FLRT1: variants seen among roughly 807,000 people sequenced by gnomAD.
FLRT1 encodes fibronectin leucine rich transmembrane protein 1, also known as leucine-rich repeat transmembrane protein FLRT1.
Under a neutral mutation model 30.9 loss-of-function variants are expected in FLRT1, and 14 were observed. The ratio of observed to expected loss-of-function variants is 0.45; its 90% CI spans 0.30 to 0.71. FLRT1 has a LOEUF of 0.71. Among genes scored for constraint, FLRT1 ranks in the 30% least tolerant of loss-of-function variants. The pLI is 0.08. For missense variants in FLRT1, 737 were observed against 949.2 expected (o/e 0.78, Z 2.94); for synonymous variants, 368 against 430.4 (o/e 0.85, Z 1.80).
rs547610992 is a variant in FLRT1 at position 64,082,712 on chromosome 11, G to T, written c.-1037-20482G>T. Among the ~76,000 whole-genome samples the T allele has an allele frequency of 1.3e-5, 2 of 152,280 alleles. No individual in the cohort carries two copies. Among genetic ancestry groups the T allele is most frequent in the South Asian group, 4.1e-4 (2 of 4,830 alleles). ...CTGCAGGCCCCTGGGTCTCACACAA[G>T]GAATGTGGAGCATCCTCCTGAGAGG... On this transcript the variant is annotated intron_variant, in intron 1 of 2. Coordinates refer to ENST00000682287, the MANE Select transcript of FLRT1 (RefSeq NM_013280.5). This position sits in a 1 kb window ranked among gnomAD's most constrained non-coding sequence, Gnocchi z 4.5.
At chr11:64,097,186 G>A (rs1354533974) in intron 1 of FLRT1, among the ~76,000 whole-genome samples, 1 of 152,236 alleles carries the variant, frequency 6.6e-6, no homozygotes, top group Non-Finnish European at 1.5e-5. Context: ...CCTGAGCCTG[G>A]CAGAACTGGG....
chr11:64,046,823 G>A lies in FLRT1; in HGVS notation c.-1038+10664G>A, dbSNP rs148318566. ...CTGGCCCGTTCTTTAAGCTGTGGAG[G>A]AATTCATGGTGTGATGTGAAGTCTT... On this transcript the variant is annotated intron_variant, in intron 1 of 2. Coordinates refer to ENST00000682287, the MANE Select transcript of FLRT1 (RefSeq NM_013280.5). Among the ~76,000 whole-genome samples the A allele has an allele frequency of 3.8e-3, 582 of 152,226 alleles. 2 individuals are homozygous for A. Among genetic ancestry groups the A allele is most frequent in the African/African-American group, 0.012 (493 of 41,546 alleles).
intron 1 of FLRT1, among the ~76,000 whole-genome samples, chr11:64,094,933 T>C (rs907222119): frequency 3.3e-5 from 5 of 152,112 alleles, no homozygotes; most frequent in African/African-American, 1.2e-4. Context: ...TAGCCACAGG[T>C]TTCCCAGCCC....
At chr11:64,048,158 CCT>C (rs1336886490) in intron 1 of FLRT1, among the ~76,000 whole-genome samples, 1 of 152,226 alleles carries the variant, frequency 6.6e-6, no homozygotes, top group Admixed American at 6.5e-5. Flanking sequence ...ACGACAGCTG[CCT>C]CTCTGGCCCA....
At chr11:64,047,239 A>G (rs898615092) in intron 1 of FLRT1, among the ~76,000 whole-genome samples, 2 of 152,208 alleles carry the variant, frequency 1.3e-5, no homozygotes, top group Admixed American at 1.3e-4. Flanking sequence ...AACCAGTCAG[A>G]TTCCTCAACT....
chr11:64,113,696 T>C (rs1944906845), intron 2 of FLRT1, among the ~76,000 whole-genome samples: 1 of 148,238 alleles, frequency 6.7e-6, no homozygotes, highest in African/African-American at 2.5e-5. Flanking sequence ...GTTAGGTGGA[T>C]GGATGGACGG....
intron 2 of FLRT1, among the ~76,000 whole-genome samples, chr11:64,113,189 G>A (rs1238562571): frequency 1.3e-5 from 2 of 152,246 alleles, no homozygotes; most frequent in Non-Finnish European, 2.9e-5. Context: ...GGGATTAAGG[G>A]CACTGACCTC....
intron 2 of FLRT1, among the ~76,000 whole-genome samples, chr11:64,110,971 G>A (rs1944852949): frequency 1.3e-5 from 2 of 152,208 alleles, no homozygotes; most frequent in Non-Finnish European, 2.9e-5. Context: ...GGGGCGGCAG[G>A]GGAGCCTTTG....
chr11:64,114,298 GGATT>G (rs1407058968), intron 2 of FLRT1, among the ~76,000 whole-genome samples: 4 of 150,774 alleles, frequency 2.7e-5, no homozygotes, highest in Non-Finnish European at 4.4e-5. Context: ...GTGGATGCAT[GGATT>G]GATACATGGA....
At position 64,090,915 on chromosome 11, in the gene FLRT1, A is replaced by G. The variant is rs2253396; in HGVS notation, c.-1037-12279A>G. Among the ~76,000 whole-genome samples the G allele has an allele frequency of 0.96, 146,155 of 151,868 alleles. 70,559 individuals carry two copies. Among genetic ancestry groups the G allele is most frequent in the Middle Eastern group, 1 (294 of 294 alleles). On this transcript the variant is annotated intron_variant, in intron 1 of 2. Coordinates refer to ENST00000682287, the MANE Select transcript of FLRT1 (RefSeq NM_013280.5). The surrounding 1 kb of genome is among the most constrained non-coding windows in gnomAD (Gnocchi z 4.7). ...AGGGGGAGGGACAGCCAGGGTGGTC[A>G]CAGTTTGGTCTGCCCTGTAGGGGGC...
At chr11:64,097,717 C>T (rs1056471552) in intron 1 of FLRT1, among the ~76,000 whole-genome samples, 8 of 152,226 alleles carry the variant, frequency 5.3e-5, no homozygotes, top group Admixed American at 2.6e-4. Context: ...TGCCATGCAG[C>T]GGTGCCAAGC....
chr11:64,043,999 G>A (rs935096429), intron 1 of FLRT1, among the ~76,000 whole-genome samples: 3 of 152,022 alleles, frequency 2.0e-5, no homozygotes, highest in African/African-American at 7.3e-5. Context: ...ATTTTTAGTA[G>A]AGACGGGGAT....
intron 1 of FLRT1, among the ~76,000 whole-genome samples, chr11:64,087,779 C>T (rs564489393): frequency 1.5e-4 from 23 of 152,340 alleles, no homozygotes; most frequent in South Asian, 1.4e-3. Context: ...TCTGAATGAC[C>T]GGAGGCTGGA....
At chr11:64,069,148 C>T (rs183470120) in intron 1 of FLRT1, among the ~76,000 whole-genome samples, 23 of 152,262 alleles carry the variant, frequency 1.5e-4, no homozygotes, top group African/African-American at 5.1e-4. Context: ...TCCCAACCTT[C>T]GATTGCAGGG....
At chr11:64,086,913 G>C (rs544147196) in intron 1 of FLRT1, 1 of 152,184 alleles carries the variant, frequency 6.6e-6, no homozygotes, top group Non-Finnish European at 1.5e-5. Flanking sequence ...TGTCCTGGCA[G>C]GAGCTGTCAC....
At chr11:64,093,354 C>T (rs7926637) in intron 1 of FLRT1, among the ~76,000 whole-genome samples, 45,824 of 152,166 alleles carry the variant, frequency 0.3, 8,767 homozygotes, top group Middle Eastern at 0.47. Flanking sequence ...TAAGAGCTCA[C>T]GGCCCATTGG....
chr11:64,089,025 CAA>C lies in FLRT1; in HGVS notation c.-1037-14168_-1037-14167del, dbSNP rs370036248. Among the ~76,000 whole-genome samples the C allele has an allele frequency of 7.5e-3, 1,140 of 152,300 alleles. 17 individuals are homozygous for C. The highest frequency in any genetic ancestry group is 0.026 in the African/African-American group (1,070 of 41,568). On this transcript the variant is annotated intron_variant, in intron 1 of 2. Coordinates refer to ENST00000682287, the MANE Select transcript of FLRT1 (RefSeq NM_013280.5). ...CCGAAGCCACTGGGAGGGCCACTGA[CAA>C]GAGAGGGAAGCCTCAGGAACTCGTG... is the stretch of plus-strand genomic sequence containing the variant.
chr11:64,053,634 AG>A (rs537401415), intron 1 of FLRT1, among the ~76,000 whole-genome samples: 44 of 152,216 alleles, frequency 2.9e-4, no homozygotes, highest in African/African-American at 1.0e-3. Context: ...GGGGATCTAC[AG>A]GGGGCAGCTG....
intron 1 of FLRT1, among the ~76,000 whole-genome samples, chr11:64,055,021 C>G (rs77916579): frequency 1.5e-3 from 232 of 152,316 alleles, no homozygotes; most frequent in African/African-American, 5.1e-3. Flanking sequence ...CAGTCTTCTC[C>G]TTTCTTTCCC....
Sources: gnomAD v4.1 joint callset for allele counts (sites outside exome capture counted in the v4.1 genomes callset) on GRCh38, gnomAD v4.1.1 for gene constraint, Gnocchi (gnomAD v3.1) non-coding constraint, MANE v1.5 for transcripts, NCBI Gene and HGNC (gene_info 2026-07-23, HGNC 2026-07-21) for gene names.